The following UBR1 variants were observed in gnomAD, a reference collection of about 807,000 sequenced individuals.
UBR1 encodes E3 ubiquitin-protein ligase UBR1.
Under a neutral mutation model 242.1 loss-of-function variants are expected in UBR1, and 102 were observed. The ratio of observed to expected loss-of-function variants is 0.42; its 90% CI spans 0.36 to 0.50. The LOEUF is 0.50. UBR1 is among the 20% of genes least tolerant of loss of function. The pLI is 0.01. For synonymous variants in UBR1, 675 were observed against 684.8 expected (o/e 0.99, Z 0.22); for missense variants, 1,772 against 2,101.8 (o/e 0.84, Z 3.07).
chr15:43,084,036 ACT>A (rs1400604083), intron 2 of UBR1, among the ~76,000 whole-genome samples: 2 of 152,086 alleles, frequency 1.3e-5, no homozygotes, highest in Non-Finnish European at 2.9e-5. Context: ...TAAGAGCGAA[ACT>A]CTGTCTCAAA....
At chr15:43,081,755 G>T (rs143312373) in intron 3 of UBR1, among the ~76,000 whole-genome samples, 1 of 151,870 alleles carries the variant, frequency 6.6e-6, no homozygotes, top group African/African-American at 2.4e-5. Context: ...TTTTTGCTCA[G>T]TCTATCTCTT....
chr15:42,951,972 G>A (rs1303329320), intron 45 of UBR1, among the ~76,000 whole-genome samples: 1 of 152,110 alleles, frequency 6.6e-6, no homozygotes, highest in African/African-American at 2.4e-5. Flanking sequence ...TCCAGGAAGA[G>A]TACTTTTTAA....
chr15:42,970,595 GC>G lies in UBR1; in HGVS notation c.4381del (p.Ala1461LeufsTer41). 1 of 1,613,656 alleles carries G rather than the reference GC, an allele frequency of 6.2e-7. No homozygotes were observed. Among genetic ancestry groups the G allele is most frequent in the Non-Finnish European group, 8.5e-7 (1 of 1,179,986 alleles). On this transcript the variant is annotated frameshift_variant, in exon 40 of 47. Coordinates refer to ENST00000290650, the MANE Select transcript of UBR1 (RefSeq NM_174916.3). LOFTEE classifies it high-confidence loss of function. ...LLTVDTGLPL[A>X]QVQEDSEEAH... ...CTCTTCACTGTCTTCTTGAACCTGA[GC>G]AAGGGGTAGGCCTGAAAAAGAAATT...
intron 44 of UBR1, among the ~76,000 whole-genome samples, chr15:42,955,855 T>G (rs956872717): frequency 1.6e-4 from 24 of 152,242 alleles, no homozygotes; most frequent in African/African-American, 5.8e-4. Context: ...TATTTTATCA[T>G]GTAGACACAT....
chr15:43,021,349 G>A lies in UBR1; in HGVS notation c.2866C>T (p.Gln956Ter), dbSNP rs1400095500. The change falls in exon 27 of 47, where the codon CAA (glutamine) becomes TAA (stop). Residue 956 changes from glutamine to a stop codon, truncating the protein, a stop_gained. Coordinates refer to ENST00000290650, the MANE Select transcript of UBR1 (RefSeq NM_174916.3). LOFTEE classifies it high-confidence loss of function. ...SRLGSSAMNI[Q>*]MLLEKLKGIP... ...CCTTTGAGTTTTTCCAAAAGCATTT[G>A]TATATTCATGGCTGAACTTCCCAAT... The A allele has an allele frequency of 6.2e-7, 1 of 1,613,604 alleles. No homozygotes were observed. Among genetic ancestry groups the A allele is most frequent in the Non-Finnish European group, 8.5e-7 (1 of 1,179,728 alleles).
chr15:43,036,432 T>C (rs2033336136), intron 18 of UBR1, 96 bp downstream of exon 18: 2 of 1,227,700 alleles, frequency 1.6e-6, no homozygotes, highest in South Asian at 1.2e-5. Flanking sequence ...AGTGAGAGTA[T>C]TTTAAGTTAA....
Position 43,007,106 on chromosome 15 carries a change from T to C in UBR1, c.3388A>G (p.Arg1130Gly). 2 of 1,614,194 alleles carry C rather than the reference T, an allele frequency of 1.2e-6. No homozygotes were observed. The highest frequency in any genetic ancestry group is 1.7e-6 in the Non-Finnish European group (2 of 1,180,034). ...VQKSTALTQH[R>G]GKPIELSGEA... is the part of the protein sequence containing the mutation. ...CCTGAGAGTTCTATGGGTTTTCCCC[T>C]GTGCTGGGTTAAGGCAGTAGATTTC... Residue 1130 changes from arginine to glycine, a missense_variant, in exon 30 of 47, where the codon AGG becomes GGG. Around this residue, in one of 3 missense-constraint regions of UBR1, gnomAD observed 965 missense variants for 1,079.7 expected, o/e 0.89. Coordinates refer to ENST00000290650, the MANE Select transcript of UBR1 (RefSeq NM_174916.3).
intron 11 of UBR1, among the ~76,000 whole-genome samples, chr15:43,055,745 T>A (rs1315918209): frequency 6.6e-6 from 1 of 151,948 alleles, no homozygotes. Context: ...TGAAACCCCG[T>A]CTCTACTAAA....
rs118023495 is a variant in UBR1, at chr15:43,013,449, C to T, written c.3209+2239G>A. Among the ~76,000 whole-genome samples, 1,399 of 152,298 alleles carry T rather than the reference C, an allele frequency of 9.2e-3. 12 individuals are homozygous for T. Among genetic ancestry groups the T allele is most frequent in the Admixed American group, 0.014 (218 of 15,292 alleles). Reference sequence around the variant, plus strand: ...TTCCAATTCCAAGGTGCTATCCATACCTGTAGTTATAGGCAATGTCTTTCT... The same window carrying T: ...TTCCAATTCCAAGGTGCTATCCATATCTGTAGTTATAGGCAATGTCTTTCT... On this transcript the variant is annotated intron_variant, in intron 29 of 46. Transcript: ENST00000290650.
At chr15:42,998,395 T>A in intron 32 of UBR1, 130 bp from the exon 33 acceptor site, 1 of 813,194 alleles carries the variant, frequency 1.2e-6, no homozygotes, top group Non-Finnish European at 2.0e-6. Context: ...ATTTCCTAGG[T>A]CACAGAAACA....
At chr15:43,049,425 T>C (rs147390372) in intron 12 of UBR1, among the ~76,000 whole-genome samples, 3 of 152,048 alleles carry the variant, frequency 2.0e-5, no homozygotes, top group African/African-American at 4.8e-5. Flanking sequence ...TAGCTGGGCG[T>C]GGTGGCGGGT....
At position 42,945,181 on chromosome 15, in the gene UBR1, T is replaced by G; in HGVS notation, c.*148A>C. On this transcript the variant is annotated 3_prime_UTR_variant, in exon 47 of 47. Transcript: ENST00000290650. ...TTTGCTAATTGAAAGCAATACTCCA[T>G]TAAGAAATATTTTATTGATGTAAGT... 9.4e-7 allele frequency: 1 copy of G among 1,059,016 alleles called. No individual in the cohort carries two copies. The highest frequency in any genetic ancestry group is 1.4e-5 in the South Asian group (1 of 71,410). The allele number at this position is 1,059,016 out of a possible 1,614,324, so 65.6% of individuals were successfully genotyped here. A position where few individuals can be genotyped will look rare whatever the true frequency, so the allele number is the denominator to read the frequency against.
intron 19 of UBR1, among the ~76,000 whole-genome samples, chr15:43,033,517 G>A (rs942767151): frequency 2.0e-5 from 3 of 151,992 alleles, no homozygotes; most frequent in Admixed American, 6.6e-5. Context: ...GGTGGCATGC[G>A]CCTGTAATCC....
intron 42 of UBR1, 123 bp from the exon 43 acceptor site, chr15:42,960,824 A>G: frequency 2.0e-6 from 2 of 988,870 alleles, no homozygotes; most frequent in Admixed American, 4.2e-5. Flanking sequence ...GCTGGAGTAC[A>G]GTGGCAGCAA....
chr15:43,022,834 G>T (rs1193764397), intron 25 of UBR1, 33 bp from the exon 26 acceptor site: 1 of 1,374,008 alleles, frequency 7.3e-7, no homozygotes, highest in South Asian at 1.2e-5. Context: ...CTTTAAAATT[G>T]CGCTTCTTCA....
At position 43,085,912 on chromosome 15, in the gene UBR1, C is replaced by T. The variant is rs980418685; in HGVS notation, c.338+72G>A. The T allele has an allele frequency of 3.4e-6, 5 of 1,455,260 alleles. No individual in the cohort carries two copies. The African/African-American group carries it at 7.5e-5, about 22-fold the overall frequency. The allele number at this position is 1,455,260 out of a possible 1,614,324, so 90.1% of individuals were successfully genotyped here. On this transcript the variant is annotated intron_variant, in intron 2 of 46. Coordinates refer to ENST00000290650, the MANE Select transcript of UBR1 (RefSeq NM_174916.3). ...CTCCAGCCTGGGTCACACAGCAAGA[C>T]TCTGTTTCAAAAAAAAAAAAAAAAA...
chr15:43,019,085 G>A (rs953719348), intron 27 of UBR1, among the ~76,000 whole-genome samples: 7 of 150,344 alleles, frequency 4.7e-5, no homozygotes, highest in African/African-American at 1.7e-4. Context: ...TTTTTGAGAC[G>A]GAGTCTCGCT....
rs1463168061 is a variant in UBR1, at chr15:43,043,237, C to T, written c.1827G>A (p.Leu609=). 1 of 1,614,062 alleles carries T rather than the reference C, an allele frequency of 6.2e-7. No individual in the cohort carries two copies. ...RVSEDLVSIH[L]PLSRTLAGLH... is the part of the protein sequence containing the mutation. ...CACCAGCAAGGGTCCTAGAGAGTGGCAGATGTATGCTTACAAGATCCTCAG... is the reference window on the plus strand; with the variant it reads ...CACCAGCAAGGGTCCTAGAGAGTGGTAGATGTATGCTTACAAGATCCTCAG... Residue 609 remains leucine, a synonymous_variant, in exon 15 of 47, where the codon CTG becomes CTA. Coordinates refer to ENST00000290650, the MANE Select transcript of UBR1 (RefSeq NM_174916.3).
chr15:43,091,120 T>G (rs1314526563), intron 1 of UBR1, among the ~76,000 whole-genome samples: 1 of 152,086 alleles, frequency 6.6e-6, no homozygotes, highest in Non-Finnish European at 1.5e-5. Context: ...GTATTTTTAG[T>G]AGAGACGGGG....
Sources: allele counts gnomAD v4.1 joint callset (sites outside exome capture counted in the v4.1 genomes callset), GRCh38; gene constraint gnomAD v4.1.1; regional missense constraint gnomAD v4.1.1; transcripts MANE v1.5; gene names NCBI Gene and HGNC (gene_info 2026-07-23, HGNC 2026-07-21).